The following AGAP1 variants were observed in gnomAD, a reference collection of about 807,000 sequenced individuals.
AGAP1 encodes the protein ArfGAP with GTPase domain, ankyrin repeat and PH domain 1.
A neutral mutation model predicts 105.3 loss-of-function variants in AGAP1; 29 were observed. That is an observed-to-expected ratio of 0.28 (90% CI 0.21 to 0.38). The LOEUF is 0.38. Among genes scored for constraint, AGAP1 ranks in the 10% least tolerant of loss-of-function variants. The pLI is 1.00. For synonymous variants in AGAP1, 509 were observed against 485.9 expected, an observed-to-expected ratio of 1.05 and a Z score of -0.63; for missense variants, 998 against 1,165.1, an observed-to-expected ratio of 0.86 and a Z score of 2.09.
intron 12 of AGAP1, among the ~76,000 whole-genome samples, chr2:235,950,264 C>T (rs746150709): frequency 4.6e-5 from 7 of 152,170 alleles, no homozygotes; most frequent in Non-Finnish European, 7.3e-5. Context: ...GTGGTGACTC[C>T]GGGTTTCCCT....
chr2:235,675,056 C>G (rs1304522039), intron 1 of AGAP1, among the ~76,000 whole-genome samples: 2 of 151,754 alleles, frequency 1.3e-5, no homozygotes, highest in Non-Finnish European at 2.9e-5. Flanking sequence ...AAACAAACAG[C>G]CTTCAGTGGA....
In AGAP1 at chr2:235,744,940, C is replaced by T. The variant is rs560286284; in HGVS notation, c.538+101C>T. ...AAATGCTTTAAAGAAGGAAAAATTG[C>T]CTACTGAACGCTCACTTTTTTGGGA... On this transcript the variant is annotated intron_variant, in intron 5 of 17. Transcript: ENST00000304032. The surrounding 1 kb of genome is among the most constrained non-coding windows in gnomAD (Gnocchi z 5.2). The T allele has an allele frequency of 1.0e-5, 14 of 1,398,178 alleles. No homozygotes were observed. Among genetic ancestry groups the T allele is most frequent in the South Asian group, 1.5e-5 (1 of 67,992 alleles). 86.6% of individuals were successfully genotyped at this position (1,398,178 alleles called of 1,614,324 possible).
In AGAP1 at chr2:236,087,631, A is replaced by T. The variant is rs2058966161; in HGVS notation, c.2115-32561A>T. ...CTTGGTTAAGCGTGATAACATGATC[A>T]CCTGGTGTTTTAAAGCTTTTCTCTG... On this transcript the variant is annotated intron_variant, in intron 16 of 17. Coordinates refer to ENST00000304032, the MANE Select transcript of AGAP1 (RefSeq NM_001037131.3). The surrounding 1 kb of genome is among the most constrained non-coding windows in gnomAD (Gnocchi z 5.7). Among the ~76,000 whole-genome samples, 1 of 152,114 alleles carries T rather than the reference A, an allele frequency of 6.6e-6. No individual in the cohort carries two copies.
rs1305309971 is a variant in AGAP1 at position 235,919,243 on chromosome 2, A to G, written c.1324+10337A>G. 6.6e-6 allele frequency among the ~76,000 whole-genome samples: 1 copy of G among 152,216 alleles called. No homozygotes were observed. The highest frequency in any genetic ancestry group is 2.4e-5 in the African/African-American group (1 of 41,458). On this transcript the variant is annotated intron_variant, in intron 11 of 17. Transcript: ENST00000304032. The surrounding 1 kb of genome is among the most constrained non-coding windows in gnomAD (Gnocchi z 4.1). ...TTGGGAAAGGGCTTCTGGTTCTTCC[A>G]GGCTAGAGTTGAGTCCGTGGCTTCC...
Position 236,109,211 on chromosome 2 carries a change from A to G in AGAP1, c.2115-10981A>G, listed in dbSNP as rs956072701. 6.6e-6 allele frequency among the ~76,000 whole-genome samples: 1 copy of G among 152,194 alleles called. No individual in the cohort carries two copies. The highest frequency in any genetic ancestry group is 1.5e-5 in the Non-Finnish European group (1 of 68,036). The stretch of plus-strand genomic sequence containing the variant: ...ATCACTGACAAGGATTTGCCAGTGC[A>G]TAGATGACAGTGCCACCAGCAGTGA... On this transcript the variant is annotated intron_variant, in intron 16 of 17. Transcript: ENST00000304032. The surrounding 1 kb of genome is among the most constrained non-coding windows in gnomAD (Gnocchi z 5.4).
chr2:235,684,880 C>T (rs1321948589), intron 1 of AGAP1, among the ~76,000 whole-genome samples: 1 of 152,150 alleles, frequency 6.6e-6, no homozygotes, highest in African/African-American at 2.4e-5. Context: ...TATTTTGGAT[C>T]ATGCTGTACT....
In AGAP1 at chr2:235,934,345, C is replaced by A. The variant is rs761370240; in HGVS notation, c.1483+3422C>A. Among the ~76,000 whole-genome samples the A allele has an allele frequency of 1.3e-5, 2 of 152,162 alleles. No homozygotes were observed. Among genetic ancestry groups the A allele is most frequent in the African/African-American group, 2.4e-5 (1 of 41,428 alleles). On this transcript the variant is annotated intron_variant, in intron 12 of 17. Transcript: ENST00000304032. The surrounding 1 kb of genome is among the most constrained non-coding windows in gnomAD (Gnocchi z 4.9). The stretch of plus-strand genomic sequence containing the variant: ...AGCTCCGGGGATTTGGCTGGTGATG[C>A]AGAATTCAGGCTCCACCCAGGCCTG...
rs953929493 is a variant in AGAP1 at position 235,609,085 on chromosome 2, G to A, written c.164-100094G>A. Among the ~76,000 whole-genome samples the A allele has an allele frequency of 6.6e-6, 1 of 152,198 alleles. No homozygotes were observed. Among genetic ancestry groups the A allele is most frequent in the African/African-American group, 2.4e-5 (1 of 41,446 alleles). ...TTTTTGCACAGAGCTTTGTCATTGG[G>A]AAGGATGCTTATCACAGGGGGCTGA... On this transcript the variant is annotated intron_variant, in intron 1 of 17. Coordinates refer to ENST00000304032, the MANE Select transcript of AGAP1 (RefSeq NM_001037131.3). This position sits in a 1 kb window ranked among gnomAD's most constrained non-coding sequence, Gnocchi z 5.1.
rs115492607 is a variant in AGAP1, at chr2:235,888,754, C to T, written c.1155+5305C>T. On this transcript the variant is annotated intron_variant, in intron 10 of 17. Coordinates refer to ENST00000304032, the MANE Select transcript of AGAP1 (RefSeq NM_001037131.3). The surrounding 1 kb of genome is among the most constrained non-coding windows in gnomAD (Gnocchi z 4.8). ...AGGCAGGTACAGCATTTGTTGCTGT[C>T]GGGTAGAGCGGCCACCCACTGCCCC... Among the ~76,000 whole-genome samples, 3,489 of 151,982 alleles carry T rather than the reference C, an allele frequency of 0.023. 109 individuals are homozygous for T. Among genetic ancestry groups the T allele is most frequent in the African/African-American group, 0.08 (3,332 of 41,392 alleles).
At chr2:235,707,411 C>A (rs1950587299) in intron 1 of AGAP1, among the ~76,000 whole-genome samples, 1 of 147,850 alleles carries the variant, frequency 6.8e-6, no homozygotes, top group African/African-American at 2.5e-5. Context: ...TCGGGAGACC[C>A]TTGACGCTGT....
chr2:235,651,399 C>T (rs1947589109), intron 1 of AGAP1, among the ~76,000 whole-genome samples: 2 of 151,978 alleles, frequency 1.3e-5, no homozygotes, highest in Admixed American at 1.3e-4. Context: ...CTCATTTTGA[C>T]AAGCTTAAGG....
chr2:235,998,193 G>A (rs190729440), intron 13 of AGAP1, among the ~76,000 whole-genome samples: 4 of 152,300 alleles, frequency 2.6e-5, no homozygotes, highest in Admixed American at 6.5e-5. Context: ...AGCTCTGGCC[G>A]AGGTACAATT....
chr2:236,066,973 T>C (rs1348616825), intron 16 of AGAP1, among the ~76,000 whole-genome samples: 1 of 152,238 alleles, frequency 6.6e-6, no homozygotes, highest in African/African-American at 2.4e-5. Flanking sequence ...CTACCAATGA[T>C]ACATTTTCCC....
In AGAP1 at chr2:235,957,805, C is replaced by T. The variant is rs986438210; in HGVS notation, c.1484-10657C>T. On this transcript the variant is annotated intron_variant, in intron 12 of 17. Coordinates refer to ENST00000304032, the MANE Select transcript of AGAP1 (RefSeq NM_001037131.3). The surrounding 1 kb of genome is among the most constrained non-coding windows in gnomAD (Gnocchi z 4.6). Reference sequence around the variant, plus strand: ...ATCAAAGGAAGTGCGTTTTAATTTACGAGTTCCTACAACGACTTCATCTTG... The same window carrying T: ...ATCAAAGGAAGTGCGTTTTAATTTATGAGTTCCTACAACGACTTCATCTTG... Among the ~76,000 whole-genome samples the T allele has an allele frequency of 1.1e-4, 16 of 152,172 alleles. No individual in the cohort carries two copies. Among genetic ancestry groups the T allele is most frequent in the East Asian group, 1.9e-4 (1 of 5,192 alleles).
chr2:235,965,656 A>G lies in AGAP1; in HGVS notation c.1484-2806A>G, dbSNP rs1458835516. Among the ~76,000 whole-genome samples the G allele has an allele frequency of 4.6e-5, 7 of 152,214 alleles. No individual in the cohort carries two copies. The highest frequency in any genetic ancestry group is 8.8e-5 in the Non-Finnish European group (6 of 68,038). On this transcript the variant is annotated intron_variant, in intron 12 of 17. Transcript: ENST00000304032. This position sits in a 1 kb window ranked among gnomAD's most constrained non-coding sequence, Gnocchi z 5.8. ...ACCACGTGCCTCAGCGGATTGCTTA[A>G]GAGTCCTGAACGCATTGCTGAAGGT...
chr2:235,905,302 A>G lies in AGAP1; in HGVS notation c.1156-3436A>G, dbSNP rs1379591540. On this transcript the variant is annotated intron_variant, in intron 10 of 17. Coordinates refer to ENST00000304032, the MANE Select transcript of AGAP1 (RefSeq NM_001037131.3). The surrounding 1 kb of genome is among the most constrained non-coding windows in gnomAD (Gnocchi z 4.2). ...AGAATTGGCATTAAGGAAGAAAGTTATAGCAAGTTGATATTTTTAAAGGAG... is the reference window on the plus strand; with the variant it reads ...AGAATTGGCATTAAGGAAGAAAGTTGTAGCAAGTTGATATTTTTAAAGGAG... Among the ~76,000 whole-genome samples the G allele has an allele frequency of 6.6e-6, 1 of 152,228 alleles. No individual in the cohort carries two copies. Among genetic ancestry groups the G allele is most frequent in the African/African-American group, 2.4e-5 (1 of 41,454 alleles).
chr2:235,779,953 A>C (rs991137955), intron 6 of AGAP1, among the ~76,000 whole-genome samples: 4 of 152,234 alleles, frequency 2.6e-5, no homozygotes, highest in Admixed American at 2.6e-4. Context: ...ACTTAACAGC[A>C]AATGGCATAA....
intron 11 of AGAP1, among the ~76,000 whole-genome samples, chr2:235,922,878 A>T (rs1177678489): frequency 6.6e-6 from 1 of 152,248 alleles, no homozygotes; most frequent in Non-Finnish European, 1.5e-5. Flanking sequence ...TACCTTTTCA[A>T]ATCAACTCTT....
rs188469388 is a variant in AGAP1, at chr2:235,951,398, G to A, written c.1484-17064G>A. Among the ~76,000 whole-genome samples, 5 of 152,344 alleles carry A rather than the reference G, an allele frequency of 3.3e-5. No homozygotes were observed. In the East Asian group the frequency reaches 9.6e-4, roughly 29 times the overall value. On this transcript the variant is annotated intron_variant, in intron 12 of 17. Transcript: ENST00000304032. This position sits in a 1 kb window ranked among gnomAD's most constrained non-coding sequence, Gnocchi z 4.2. Reference sequence around the variant, plus strand: ...TGGACAATGCTGTCAGTCATCGTGAGACAGAGTAGCATGGAACTGAAAAAT... The same window carrying A: ...TGGACAATGCTGTCAGTCATCGTGAAACAGAGTAGCATGGAACTGAAAAAT...
Sources: allele counts gnomAD v4.1 joint callset (sites outside exome capture counted in the v4.1 genomes callset), GRCh38; gene constraint gnomAD v4.1.1; non-coding constraint Gnocchi (gnomAD v3.1); transcripts MANE v1.5; gene names NCBI Gene and HGNC (gene_info 2026-07-23, HGNC 2026-07-21).